Variants in PTPRZ1 observed in about 807,000 individuals in gnomAD.
PTPRZ1 encodes protein tyrosine phosphatase receptor type Z1, also known as receptor-type tyrosine-protein phosphatase zeta.
A neutral mutation model predicts 214.1 loss-of-function variants in PTPRZ1; 82 were observed. The observed-to-expected ratio is 0.38, with a 90% confidence interval of 0.32 to 0.46. The LOEUF (loss-of-function observed/expected upper bound fraction) is 0.46. PTPRZ1 is among the 20% of genes least tolerant of loss of function. PTPRZ1 has a pLI of 1.00. For missense variants in PTPRZ1, 2,603 were observed against 2,748.7 expected, an observed-to-expected ratio of 0.95 and a Z score of 1.19; for synonymous variants, 945 against 987.9, an observed-to-expected ratio of 0.96 and a Z score of 0.81.
intron 8 of PTPRZ1, among the ~76,000 whole-genome samples, chr7:121,993,572 C>CAAAAAAAAAAAAAA (rs66916301): frequency 2.6e-4 from 19 of 73,576 alleles, no homozygotes; most frequent in South Asian, 5.2e-4. Flanking sequence ...GAGACTGTCT[C>CAAAAAAAAAAAAAA]AAAAAAAAAA....
intron 1 of PTPRZ1, among the ~76,000 whole-genome samples, chr7:121,918,426 T>C (rs1279854125): frequency 2.0e-5 from 3 of 152,342 alleles, no homozygotes; most frequent in East Asian, 3.9e-4. Context: ...GCTATGGTTC[T>C]TGTTTTTCAT....
At chr7:121,907,132 A>T (rs534835305) in intron 1 of PTPRZ1, among the ~76,000 whole-genome samples, 2 of 93,020 alleles carry the variant, frequency 2.2e-5, no homozygotes, top group Admixed American at 9.7e-5. Context: ...TGACTAATGC[A>T]TGATAAAAAG....
chr7:122,011,038 C>T lies in PTPRZ1; in HGVS notation c.1992C>T (p.Pro664=), dbSNP rs1214791314. 1.4e-5 allele frequency: 22 copies of T among 1,613,874 alleles called. No homozygotes were observed. The highest frequency in any genetic ancestry group is 6.7e-5 in the African/African-American group (5 of 74,886). ...FPSSTDITAQ[P]DVGSGRESFL... ...GCTCTACAGACATAACAGCACAGCC[C>T]GATGTTGGATCAGGCAGAGAGAGCT... Residue 664 remains proline, a synonymous_variant, in exon 12 of 30, where the codon CCC becomes CCT. Transcript: ENST00000393386.
At chr7:121,936,186 A>C (rs897866612) in intron 2 of PTPRZ1, among the ~76,000 whole-genome samples, 1 of 152,178 alleles carries the variant, frequency 6.6e-6, no homozygotes, top group African/African-American at 2.4e-5. Flanking sequence ...CAAGGAGCAA[A>C]AAGATAAAAA....
At chr7:121,981,544 C>G (rs1033770712) in intron 6 of PTPRZ1, among the ~76,000 whole-genome samples, 1 of 152,108 alleles carries the variant, frequency 6.6e-6, no homozygotes, top group African/African-American at 2.4e-5. Context: ...TAGATTGCTG[C>G]CTACATGAGT....
At chr7:122,045,203 A>T (rs960860260) in intron 23 of PTPRZ1, among the ~76,000 whole-genome samples, 2 of 152,134 alleles carry the variant, frequency 1.3e-5, no homozygotes, top group African/African-American at 2.4e-5. Flanking sequence ...GCATGTGCAG[A>T]ATCGTAGCTT....
chr7:121,900,589 C>T (rs1369098212), intron 1 of PTPRZ1, among the ~76,000 whole-genome samples: 2 of 152,094 alleles, frequency 1.3e-5, no homozygotes. Flanking sequence ...TAGGGGGAAC[C>T]CACCAACAAA....
chr7:122,039,019 T>C, intron 19 of PTPRZ1, 130 bp downstream of exon 19: 1 of 986,142 alleles, frequency 1.0e-6, no homozygotes, highest in Non-Finnish European at 1.5e-6. Context: ...TTAGTAAATA[T>C]GACAGCTAAA....
rs372892684 is a variant in PTPRZ1, at chr7:121,976,787, T to C, written c.555T>C (p.Val185=). Reference sequence around the variant, plus strand: ...AGAATGTGATTCTTTTTTAACAGGTTGGGACAGAAGAAAATTTGGATTTCA... The same window carrying C: ...AGAATGTGATTCTTTTTTAACAGGTCGGGACAGAAGAAAATTTGGATTTCA... The part of the protein sequence containing the change: ...KLRALSILFE[V]GTEENLDFKA... Residue 185 remains valine (V), a splice_region_variant and synonymous_variant, in exon 6 of 30, where the codon GTT becomes GTC. Transcript: ENST00000393386. 1.4e-4 allele frequency: 222 copies of C among 1,608,464 alleles called. 3 individuals carry two copies. The South Asian group carries it at 2.2e-3, about 16-fold the overall frequency.
In PTPRZ1 at chr7:122,061,192, T is replaced by C. The variant is rs1453360278; in HGVS notation, c.6920T>C (p.Ile2307Thr). Residue 2307 changes from isoleucine to threonine, a missense_variant, in exon 30 of 30, where the codon ATA becomes ACA. Coordinates refer to ENST00000393386, the MANE Select transcript of PTPRZ1 (RefSeq NM_002851.3). ...GGTGCAGCATTGCCTGATGGAAATATAGCTGAGAGCTTAGAGTCTTTAGTT... is the reference window on the plus strand; with the variant it reads ...GGTGCAGCATTGCCTGATGGAAATACAGCTGAGAGCTTAGAGTCTTTAGTT... ...SNGAALPDGNIAESLESLV is the reference protein window; with the variant it reads ...SNGAALPDGNTAESLESLV The C allele has an allele frequency of 1.9e-6, 3 of 1,607,190 alleles. No homozygotes were observed. Among genetic ancestry groups the C allele is most frequent in the Admixed American group, 3.4e-5 (2 of 59,476 alleles).
chr7:121,876,133 G>C (rs1331848509), intron 1 of PTPRZ1, among the ~76,000 whole-genome samples: 2 of 152,124 alleles, frequency 1.3e-5, no homozygotes, highest in African/African-American at 4.8e-5. Flanking sequence ...TTTTGAACTG[G>C]ACATAATAGA....
chr7:121,882,204 T>C (rs1393249240), intron 1 of PTPRZ1, among the ~76,000 whole-genome samples: 1 of 152,236 alleles, frequency 6.6e-6, no homozygotes, highest in East Asian at 1.9e-4. Context: ...TTGGGATAAA[T>C]ATTCCTCCAG....
chr7:121,966,866 TC>T (rs1265016203), intron 2 of PTPRZ1: 4 of 152,108 alleles, frequency 2.6e-5, no homozygotes, highest in African/African-American at 9.7e-5. Flanking sequence ...TTACTTATAA[TC>T]CCCTAAACCT....
At chr7:122,005,377 TA>T (rs1262722963) in intron 11 of PTPRZ1, among the ~76,000 whole-genome samples, 2 of 152,006 alleles carry the variant, frequency 1.3e-5, no homozygotes, top group African/African-American at 4.8e-5. Context: ...TTGTTGATGA[TA>T]ATACGAATGT....
chr7:121,987,943 C>T (rs1467204071), intron 8 of PTPRZ1, among the ~76,000 whole-genome samples: 1 of 152,306 alleles, frequency 6.6e-6, no homozygotes, highest in East Asian at 1.9e-4. Context: ...ACCTCATGTT[C>T]TCACTTATAA....
At chr7:122,019,004 CAA>C in intron 12 of PTPRZ1, 118 bp from the exon 13 acceptor site, 1 of 938,750 alleles carries the variant, frequency 1.1e-6, no homozygotes, top group East Asian at 2.8e-5. Context: ...TTCTTTGCAT[CAA>C]AGAGTCAAAA....
Position 121,900,829 on chromosome 7 carries a change from A to G in PTPRZ1, c.58+27272A>G, listed in dbSNP as rs1173568404. Reference sequence around the variant, plus strand: ...TGCAAAATAAAACAATGAAATCTCTACCTTCAAAGTCTAATAATAAGTATG... The same window carrying G: ...TGCAAAATAAAACAATGAAATCTCTGCCTTCAAAGTCTAATAATAAGTATG... On this transcript the variant is annotated intron_variant, in intron 1 of 29. Transcript: ENST00000393386. 2.0e-5 allele frequency among the ~76,000 whole-genome samples: 3 copies of G among 152,278 alleles called. No individual in the cohort carries two copies. In the East Asian group the frequency reaches 5.8e-4, roughly 29 times the overall value.
chr7:121,943,448 G>A (rs1796287275), intron 2 of PTPRZ1, among the ~76,000 whole-genome samples: 2 of 152,102 alleles, frequency 1.3e-5, no homozygotes, highest in Non-Finnish European at 2.9e-5. Flanking sequence ...CCATTCTCCT[G>A]CCTCAGCCTC....
intron 1 of PTPRZ1, among the ~76,000 whole-genome samples, chr7:121,907,203 A>G (rs1317615390): frequency 6.6e-6 from 1 of 152,110 alleles, no homozygotes; most frequent in East Asian, 1.9e-4. Context: ...CTGGAGTAAT[A>G]TTATGCTGCT....
Sources: gnomAD v4.1 joint callset for allele counts (sites outside exome capture counted in the v4.1 genomes callset) on GRCh38, gnomAD v4.1.1 for gene constraint, MANE v1.5 for transcripts, NCBI Gene and HGNC (gene_info 2026-07-23, HGNC 2026-07-21) for gene names.